The following THADA variants were observed in gnomAD, a reference collection of about 807,000 sequenced individuals.
THADA encodes the protein THADA armadillo repeat containing.
THADA carries 213 observed loss-of-function variants against 219.8 expected under a neutral mutation model. That is an observed-to-expected ratio of 0.97 (90% CI 0.87 to 1.09). The LOEUF is 1.09. Among genes scored for constraint, THADA ranks in the 50% least tolerant of loss-of-function variants. The probability of loss-of-function intolerance (pLI) is 0.00; values close to 1 mark genes in which losing one functional copy is unlikely to be tolerated. For missense variants in THADA, 2,956 were observed against 2,311.3 expected, an observed-to-expected ratio of 1.28 and a Z score of -5.72; for synonymous variants, 1,018 against 828.9, an observed-to-expected ratio of 1.23 and a Z score of -3.92.
intron 28 of THADA, among the ~76,000 whole-genome samples, chr2:43,417,253 G>C (rs1329624442): frequency 6.6e-6 from 1 of 151,524 alleles, no homozygotes; most frequent in Non-Finnish European, 1.5e-5. Flanking sequence ...AAGACAGATA[G>C]AAAACATATT....
rs748448176 is a variant in THADA, at chr2:43,515,173, A to T, written c.3375-6393T>A. On this transcript the variant is annotated intron_variant, in intron 22 of 37. Coordinates refer to ENST00000405975, the MANE Select transcript of THADA (RefSeq NM_022065.5). ...TTTTATATATTATATATAATATATT[A>T]TATATTATATATAATATATTATATA... 2.5e-4 allele frequency among the ~76,000 whole-genome samples: 7 copies of T among 27,864 alleles called. No homozygotes were observed. The East Asian group carries it at 6.3e-3, about 25-fold the overall frequency. 18.3% of individuals were successfully genotyped at this position (27,864 alleles called of 152,430 possible).
chr2:43,331,386 A>C lies in THADA; in HGVS notation c.4344-10846T>G, dbSNP rs143696706. On this transcript the variant is annotated intron_variant, in intron 30 of 37. Coordinates refer to ENST00000405975, the MANE Select transcript of THADA (RefSeq NM_022065.5). Reference sequence around the variant, plus strand: ...CTGTTAATCCTTAAGAGAGACTAGAAACTCTGATGACCACTAAGCGAGGTT... The same window carrying C: ...CTGTTAATCCTTAAGAGAGACTAGACACTCTGATGACCACTAAGCGAGGTT... Among the ~76,000 whole-genome samples the C allele has an allele frequency of 7.4e-4, 112 of 152,310 alleles. 1 individual carries two copies. Among genetic ancestry groups the C allele is most frequent in the African/African-American group, 2.6e-3 (110 of 41,554 alleles).
At chr2:43,408,209 T>A (rs768238467) in intron 28 of THADA, 1 of 152,186 alleles carries the variant, frequency 6.6e-6, no homozygotes, top group Non-Finnish European at 1.5e-5. Context: ...TGCGACAGGT[T>A]CCACAAATGC....
intron 26 of THADA, among the ~76,000 whole-genome samples, chr2:43,479,900 C>T (rs1430981913): frequency 6.6e-6 from 1 of 152,198 alleles, no homozygotes; most frequent in Non-Finnish European, 1.5e-5. Flanking sequence ...CAACCCAAAA[C>T]AAAATTCTCC....
intron 36 of THADA, among the ~76,000 whole-genome samples, chr2:43,236,828 G>A (rs1229722215): frequency 6.6e-6 from 1 of 151,142 alleles, no homozygotes; most frequent in Non-Finnish European, 1.5e-5. Context: ...TTGGAAGGCC[G>A]AGGCGGGTGG....
chr2:43,480,824 GAAA>G (rs1255582214), intron 26 of THADA, among the ~76,000 whole-genome samples: 2 of 129,310 alleles, frequency 1.5e-5, no homozygotes, highest in African/African-American at 2.8e-5. Flanking sequence ...TCTTGGGGGG[GAAA>G]AAAAAAAAAA....
At chr2:43,586,470 C>G (rs373285304) in intron 6 of THADA, 21 bp from the exon 7 acceptor site, 10 of 1,535,828 alleles carry the variant, frequency 6.5e-6, no homozygotes, top group Admixed American at 2.2e-5. Context: ...AAGAATATGA[C>G]AAATAAGAAT....
intron 26 of THADA, among the ~76,000 whole-genome samples, chr2:43,458,018 C>G (rs1256998112): frequency 1.3e-5 from 2 of 151,978 alleles, no homozygotes; most frequent in Non-Finnish European, 2.9e-5. Context: ...CAAAACAAAA[C>G]AAACACAACC....
chr2:43,354,519 C>T (rs942768471), intron 29 of THADA, among the ~76,000 whole-genome samples: 2 of 151,334 alleles, frequency 1.3e-5, no homozygotes, highest in African/African-American at 4.9e-5. Flanking sequence ...TCCTTTCCTC[C>T]CCAGCCTCTG....
rs186696877 is a variant in THADA, at chr2:43,515,001, T to C, written c.3375-6221A>G. On this transcript the variant is annotated intron_variant, in intron 22 of 37. Coordinates refer to ENST00000405975, the MANE Select transcript of THADA (RefSeq NM_022065.5). The stretch of plus-strand genomic sequence containing the variant: ...ATAACATTTTATATATAATATATAA[T>C]ATTATATATATTATATATTTTATAT... 4.9e-4 allele frequency among the ~76,000 whole-genome samples: 17 copies of C among 34,356 alleles called. 1 individual carries two copies. Among genetic ancestry groups the C allele is most frequent in the African/African-American group, 1.7e-3 (17 of 10,180 alleles). 22.5% of individuals were successfully genotyped at this position (34,356 alleles called of 152,430 possible).
chr2:43,414,759 A>G (rs1343871088), intron 28 of THADA, among the ~76,000 whole-genome samples: 1 of 152,206 alleles, frequency 6.6e-6, no homozygotes, highest in African/African-American at 2.4e-5. Flanking sequence ...CTTCTCTGAT[A>G]ACAATCTGGC....
At chr2:43,466,742 A>G (rs1212938800) in intron 26 of THADA, among the ~76,000 whole-genome samples, 4 of 152,236 alleles carry the variant, frequency 2.6e-5, no homozygotes, top group South Asian at 4.2e-4. Context: ...ACCCTAAGAG[A>G]TATTTTCCCC....
At chr2:43,332,281 A>G (rs1665879779) in intron 30 of THADA, among the ~76,000 whole-genome samples, 1 of 152,050 alleles carries the variant, frequency 6.6e-6, no homozygotes, top group African/African-American at 2.4e-5. Context: ...AAACTCACCT[A>G]TCCTTTAAAG....
intron 29 of THADA, among the ~76,000 whole-genome samples, chr2:43,389,549 C>G (rs997707659): frequency 6.6e-6 from 1 of 152,326 alleles, no homozygotes; most frequent in Non-Finnish European, 1.5e-5. Flanking sequence ...GCAAACCCCA[C>G]TTTGAAGGCT....
At chr2:43,360,701 A>T (rs1669410385) in intron 29 of THADA, among the ~76,000 whole-genome samples, 1 of 152,144 alleles carries the variant, frequency 6.6e-6, no homozygotes, top group African/African-American at 2.4e-5. Flanking sequence ...TCACCCACCC[A>T]TCTGTCCATA....
At chr2:43,570,306 T>C (rs1655933377) in intron 14 of THADA, 82 bp downstream of exon 14, 2 of 1,326,514 alleles carry the variant, frequency 1.5e-6, no homozygotes, top group Admixed American at 4.8e-5. Context: ...CCAAGAGACT[T>C]CCATTTATTT....
rs1007251173 is a variant in THADA, at chr2:43,528,407, T to C, written c.3265-419A>G. ...GGTCTCCCAAAGTGCTGGGATTACA[T>C]GCGTGAGCCACTGTGCCCAGCCATT... is the stretch of plus-strand genomic sequence containing the variant. On this transcript the variant is annotated intron_variant, in intron 21 of 37. Coordinates refer to ENST00000405975, the MANE Select transcript of THADA (RefSeq NM_022065.5). Among the ~76,000 whole-genome samples the C allele has an allele frequency of 7.9e-5, 12 of 152,258 alleles. No homozygotes were observed. In the South Asian group the frequency reaches 2.1e-3, roughly 26 times the overall value.
intron 21 of THADA, among the ~76,000 whole-genome samples, chr2:43,534,328 C>G (rs1237107542): frequency 6.6e-6 from 1 of 152,106 alleles, no homozygotes; most frequent in African/African-American, 2.4e-5. Flanking sequence ...GTGTTAGGAA[C>G]ATTCAACATC....
chr2:43,582,398 G>A (rs1700553354), intron 7 of THADA, among the ~76,000 whole-genome samples: 1 of 151,510 alleles, frequency 6.6e-6, no homozygotes, highest in Non-Finnish European at 1.5e-5. Context: ...TCAGGGGGCT[G>A]AGGCAGGAGA....
Sources: gnomAD v4.1 joint callset for allele counts (sites outside exome capture counted in the v4.1 genomes callset) on GRCh38, gnomAD v4.1.1 for gene constraint, MANE v1.5 for transcripts, NCBI Gene and HGNC (gene_info 2026-07-23, HGNC 2026-07-21) for gene names.